PDZRN4: variants seen among roughly 807,000 people sequenced by gnomAD.
PDZRN4 encodes PDZ domain containing ring finger 4.
A neutral mutation model predicts 99.0 loss-of-function variants in PDZRN4; 70 were observed. The ratio of observed to expected loss-of-function variants is 0.71; its 90% CI spans 0.58 to 0.86. PDZRN4 has a LOEUF of 0.86. PDZRN4 is among the 40% of genes least tolerant of loss of function. The pLI, the probability that PDZRN4 is intolerant of heterozygous loss-of-function variation, is 0.00. For missense variants in PDZRN4, 1,474 were observed against 1,331.2 expected, an observed-to-expected ratio of 1.11 and a Z score of -1.67; for synonymous variants, 551 against 501.6, an observed-to-expected ratio of 1.10 and a Z score of -1.32.
intron 1 of PDZRN4, among the ~76,000 whole-genome samples, chr12:41,190,243 G>A (rs1376227362): frequency 6.6e-6 from 1 of 152,226 alleles, no homozygotes; most frequent in Non-Finnish European, 1.5e-5. Flanking sequence ...ATTGAAGTGA[G>A]AGGGACTAAA....
At chr12:41,274,781 G>A (rs910390452) in intron 3 of PDZRN4, among the ~76,000 whole-genome samples, 2 of 152,134 alleles carry the variant, frequency 1.3e-5, no homozygotes, top group Non-Finnish European at 2.9e-5. Flanking sequence ...TGTTCATGAA[G>A]TATACACCCT....
intron 1 of PDZRN4, among the ~76,000 whole-genome samples, chr12:41,189,757 T>G (rs1285444228): frequency 6.6e-6 from 1 of 152,118 alleles, no homozygotes; most frequent in East Asian, 1.9e-4. Context: ...CTTCCTTGCC[T>G]CGGGATCTCA....
intron 5 of PDZRN4, among the ~76,000 whole-genome samples, chr12:41,548,673 TTA>T (rs2120788560): frequency 6.6e-6 from 1 of 152,336 alleles, no homozygotes; most frequent in African/African-American, 2.4e-5. Context: ...ACAATGCTGC[TTA>T]AAAAGCCAAT....
At chr12:41,341,376 A>T (rs531609288) in intron 3 of PDZRN4, among the ~76,000 whole-genome samples, 1 of 151,984 alleles carries the variant, frequency 6.6e-6, no homozygotes, top group South Asian at 2.1e-4. Flanking sequence ...CAAAAAAAGA[A>T]ATAAAAGGCA....
intron 5 of PDZRN4, among the ~76,000 whole-genome samples, chr12:41,533,082 T>G (rs1165679134): frequency 2.0e-5 from 3 of 152,188 alleles, no homozygotes; most frequent in Non-Finnish European, 2.9e-5. Flanking sequence ...CTACTTCTAA[T>G]TCTGTCATTT....
intron 3 of PDZRN4, among the ~76,000 whole-genome samples, chr12:41,471,560 T>C (rs1952990235): frequency 6.7e-6 from 1 of 149,668 alleles, no homozygotes; most frequent in Non-Finnish European, 1.5e-5. Context: ...CTATAATAAA[T>C]AGTAATTATT....
At chr12:41,458,990 T>C (rs1952845334) in intron 3 of PDZRN4, among the ~76,000 whole-genome samples, 1 of 151,348 alleles carries the variant, frequency 6.6e-6, no homozygotes, top group Non-Finnish European at 1.5e-5. Flanking sequence ...TCTTTGGGAG[T>C]AGATGAGGAA....
intron 3 of PDZRN4, among the ~76,000 whole-genome samples, chr12:41,238,437 A>T (rs1951081168): frequency 6.6e-6 from 1 of 152,158 alleles, no homozygotes; most frequent in Non-Finnish European, 1.5e-5. Flanking sequence ...TGAACAGAAA[A>T]CCTACAGAAT....
chr12:41,450,801 G>A (rs999152060), intron 3 of PDZRN4, among the ~76,000 whole-genome samples: 22 of 152,094 alleles, frequency 1.4e-4, no homozygotes, highest in African/African-American at 5.1e-4. Context: ...GGTGGTTCAT[G>A]CCTTTACTTT....
intron 8 of PDZRN4, among the ~76,000 whole-genome samples, chr12:41,565,616 C>A (rs899626486): frequency 6.6e-6 from 1 of 151,660 alleles, no homozygotes; most frequent in African/African-American, 2.4e-5. Context: ...TTCAAATACT[C>A]TCTAGATTCT....
At position 41,545,552 on chromosome 12, in the gene PDZRN4, T is replaced by A. The variant is rs11180991; in HGVS notation, c.1204-7104T>A. Among the ~76,000 whole-genome samples, 980 of 140,710 alleles carry A rather than the reference T, an allele frequency of 7.0e-3. 14 individuals carry two copies. Among genetic ancestry groups the A allele is most frequent in the African/African-American group, 0.019 (676 of 36,104 alleles). The allele number at this position is 140,710 out of a possible 152,430, so 92.3% of individuals were successfully genotyped here. A position where few individuals can be genotyped will look rare whatever the true frequency, so the allele number is the denominator to read the frequency against. On this transcript the variant is annotated intron_variant, in intron 5 of 9. Transcript: ENST00000402685. ...GTGTGTGTGTGTGTGTGTGTGTGTG[T>A]GACAATGAGAGTGATCTAATGAGGA...
At chr12:41,258,546 A>T (rs191663451) in intron 3 of PDZRN4, among the ~76,000 whole-genome samples, 1 of 152,194 alleles carries the variant, frequency 6.6e-6, no homozygotes, top group African/African-American at 2.4e-5. Flanking sequence ...TTCTGTCATA[A>T]ATATCATTTT....
intron 3 of PDZRN4, among the ~76,000 whole-genome samples, chr12:41,445,144 T>C (rs1249020836): frequency 6.6e-6 from 1 of 152,000 alleles, no homozygotes; most frequent in Non-Finnish European, 1.5e-5. Flanking sequence ...TAGGAAAACA[T>C]TTTCACTGTT....
chr12:41,414,595 C>T (rs998887740), intron 3 of PDZRN4, among the ~76,000 whole-genome samples: 52 of 151,718 alleles, frequency 3.4e-4, no homozygotes, highest in Middle Eastern at 3.4e-3. Flanking sequence ...AAAACAAAGA[C>T]GGATGTCTTC....
chr12:41,515,574 T>TGAGGA (rs746980470), intron 5 of PDZRN4, among the ~76,000 whole-genome samples: 1 of 152,044 alleles, frequency 6.6e-6, no homozygotes, highest in Non-Finnish European at 1.5e-5. Flanking sequence ...GTTGGTTCAC[T>TGAGGA]GAGGAGCCTA....
chr12:41,280,081 G>A (rs1347987635), intron 3 of PDZRN4, among the ~76,000 whole-genome samples: 1 of 152,116 alleles, frequency 6.6e-6, no homozygotes, highest in African/African-American at 2.4e-5. Context: ...AAGCAGGGTG[G>A]GGTGTCGCCT....
intron 3 of PDZRN4, among the ~76,000 whole-genome samples, chr12:41,369,703 A>G (rs1329195172): frequency 1.3e-5 from 2 of 152,058 alleles, no homozygotes; most frequent in Non-Finnish European, 2.9e-5. Context: ...AAGTCATAGA[A>G]TATATTTAAT....
At chr12:41,353,334 A>T (rs1480654567) in intron 3 of PDZRN4, among the ~76,000 whole-genome samples, 1 of 151,836 alleles carries the variant, frequency 6.6e-6, no homozygotes, top group Non-Finnish European at 1.5e-5. Context: ...TTTTCCTGTC[A>T]TCTGAATTCC....
chr12:41,306,105 A>C (rs1166911494), intron 3 of PDZRN4, among the ~76,000 whole-genome samples: 1 of 152,176 alleles, frequency 6.6e-6, no homozygotes, highest in Admixed American at 6.5e-5. Context: ...ATTCCATGAG[A>C]TCCTAAGGAT....
Sources: gnomAD v4.1 joint callset for allele counts (sites outside exome capture counted in the v4.1 genomes callset) on GRCh38, gnomAD v4.1.1 for gene constraint, MANE v1.5 for transcripts, NCBI Gene and HGNC (gene_info 2026-07-23, HGNC 2026-07-21) for gene names.